Variants in TJAP1 observed in about 807,000 individuals in gnomAD.
TJAP1 encodes tight junction-associated protein 1.
In TJAP1, 27 loss-of-function variants were observed where a neutral mutation model predicts 42.0. That is an observed-to-expected ratio of 0.64 (90% confidence interval 0.47 to 0.89). The LOEUF (loss-of-function observed/expected upper bound fraction) is 0.89. Among genes scored for constraint, TJAP1 ranks in the 40% least tolerant of loss-of-function variants. TJAP1 has a pLI of 0.00. For missense variants in TJAP1, 712 were observed against 726.9 expected, an observed-to-expected ratio of 0.98 and a Z score of 0.24; for synonymous variants, 257 against 288.4, an observed-to-expected ratio of 0.89 and a Z score of 1.10.
intron 5 of TJAP1, 56 bp downstream of exon 5, chr6:43,500,828 C>T (rs1334683180): frequency 1.9e-6 from 3 of 1,600,222 alleles, no homozygotes; most frequent in Non-Finnish European, 2.6e-6. Context: ...CTCTTAGCTC[C>T]AGGCTAGACT....
At chr6:43,494,233 T>G (rs547445552) in intron 2 of TJAP1, among the ~76,000 whole-genome samples, 1 of 152,278 alleles carries the variant, frequency 6.6e-6, no homozygotes, top group East Asian at 1.9e-4. Flanking sequence ...CCAGCAGATA[T>G]GAAGTAGAGT....
intron 6 of TJAP1, 82 bp downstream of exon 6, chr6:43,501,769 C>CTG: frequency 1.4e-5 from 7 of 488,718 alleles, no homozygotes; most frequent in South Asian, 2.4e-5. Context: ...CTCTCTCTGT[C>CTG]TCTCTCTCTC....
intron 5 of TJAP1, chr6:43,501,160 T>A (rs1790427893): frequency 2.7e-6 from 1 of 373,524 alleles, no homozygotes; most frequent in African/African-American, 2.1e-5. Flanking sequence ...GAAGCCTGAT[T>A]GTGCAGTGGG....
Position 43,492,869 on chromosome 6 carries a change from C to G in TJAP1, c.-121-5012C>G, listed in dbSNP as rs1158327958. ...GTGGCGGGAGTGTAGCTGACCCCCACTGGGGCACAGCTTCCCACAGGCTTG... is the reference window on the plus strand; with the variant it reads ...GTGGCGGGAGTGTAGCTGACCCCCAGTGGGGCACAGCTTCCCACAGGCTTG... On this transcript the variant is annotated intron_variant, in intron 2 of 10. Coordinates refer to ENST00000372449, the Ensembl canonical transcript of TJAP1. This position sits in a 1 kb window ranked among gnomAD's most constrained non-coding sequence, Gnocchi z 4.2. Among the ~76,000 whole-genome samples, 1 of 152,136 alleles carries G rather than the reference C, an allele frequency of 6.6e-6. No homozygotes were observed. Among genetic ancestry groups the G allele is most frequent in the Non-Finnish European group, 1.5e-5 (1 of 68,032 alleles).
At chr6:43,501,925 A>ACTCT (rs1790846971) in intron 6 of TJAP1, among the ~76,000 whole-genome samples, 1 of 102,238 alleles carries the variant, frequency 9.8e-6, no homozygotes, top group Non-Finnish European at 1.9e-5. Flanking sequence ...ACACACACAC[A>ACTCT]CACTCTCTCT....
chr6:43,487,749 G>A (rs1786847416), intron 2 of TJAP1, among the ~76,000 whole-genome samples: 1 of 152,008 alleles, frequency 6.6e-6, no homozygotes, highest in African/African-American at 2.4e-5. Context: ...TAACCATACA[G>A]AAAAGTATAC....
chr6:43,504,442 T>C (rs1452880195), intron 10 of TJAP1: 1 of 363,652 alleles, frequency 2.7e-6, no homozygotes, highest in Admixed American at 4.3e-5. Context: ...CTAAGGCTAC[T>C]GGTCTATGCA....
chr6:43,484,626 C>T lies in TJAP1; in HGVS notation c.-122+6394C>T, dbSNP rs551023984. Among the ~76,000 whole-genome samples, 325 of 152,300 alleles carry T rather than the reference C, an allele frequency of 2.1e-3. 2 individuals are homozygous for T. Among genetic ancestry groups the T allele is most frequent in the African/African-American group, 7.0e-3 (290 of 41,564 alleles). On this transcript the variant is annotated intron_variant, in intron 2 of 10. Transcript: ENST00000372449. ...GGAGCATTTTGAGGTGGGAGTAAAA[C>T]GGAGTCTCCTTTCTTGTGAGGAAGC...
At chr6:43,501,649 C>A in exon 6 of TJAP1, 1 of 1,533,908 alleles carries the variant, frequency 6.5e-7, no homozygotes, top group Non-Finnish European at 9.0e-7. Context: ...TGGGCCAGAG[C>A]CGCGAGGAGC....
Position 43,501,925 on chromosome 6 carries a change from ACACTCT to A in TJAP1, c.290+240_290+245del, listed in dbSNP as rs1328255267. ...CACACACACACACACACACACACAC[ACACTCT>A]CTCTCTCTCTCTCTCTCTCTCTCTC... On this transcript the variant is annotated intron_variant, in intron 6 of 10. Coordinates refer to ENST00000372449, the Ensembl canonical transcript of TJAP1. Among the ~76,000 whole-genome samples, 427 of 102,256 alleles carry A rather than the reference ACACTCT, an allele frequency of 4.2e-3. 9 individuals carry two copies. Among genetic ancestry groups the A allele is most frequent in the Non-Finnish European group, 5.9e-3 (307 of 52,422 alleles). 67.1% of individuals were successfully genotyped at this position (102,256 alleles called of 152,430 possible). A position where few individuals can be genotyped will look rare whatever the true frequency, so the allele number is the denominator to read the frequency against.
At chr6:43,504,714 T>C (rs369148463) in intron 10 of TJAP1, 47 bp from the exon 11 acceptor site, 2 of 1,583,468 alleles carry the variant, frequency 1.3e-6, no homozygotes. Flanking sequence ...TCAAGTTATC[T>C]TTGGCTGCGA....
At position 43,505,810 on chromosome 6, in the gene TJAP1, G is replaced by A; in HGVS notation, c.1629G>A (p.Lys543=). The A allele has an allele frequency of 2.0e-6, 3 of 1,498,324 alleles. No individual in the cohort carries two copies. Among genetic ancestry groups the A allele is most frequent in the Non-Finnish European group, 1.8e-6 (2 of 1,127,730 alleles). The allele number at this position is 1,498,324 out of a possible 1,614,324, so 92.8% of individuals were successfully genotyped here. A position where few individuals can be genotyped will look rare whatever the true frequency, so the allele number is the denominator to read the frequency against. ...TGGGGGTTCACCACCTGCACCGCAA[G>A]GACAGCCTGACCCAGGCCCAGGAGC... The change falls in exon 11 of 11, where the codon AAG becomes AAA. Residue 543 remains lysine, a synonymous_variant. Transcript: ENST00000372449. This position sits in a 1 kb window ranked among gnomAD's most constrained non-coding sequence, Gnocchi z 5.5.
intron 2 of TJAP1, among the ~76,000 whole-genome samples, chr6:43,479,267 G>A (rs563016226): frequency 1.3e-5 from 2 of 152,162 alleles, no homozygotes; most frequent in Non-Finnish European, 2.9e-5. Context: ...TTTACTGTCT[G>A]CTCTGTACCT....
chr6:43,479,493 T>G (rs889092480), intron 2 of TJAP1, among the ~76,000 whole-genome samples: 1 of 152,138 alleles, frequency 6.6e-6, no homozygotes, highest in African/African-American at 2.4e-5. Context: ...ACATAACAGT[T>G]AATAGCACTG....
At chr6:43,503,533 C>A (rs1229254473) in intron 9 of TJAP1, 25 bp downstream of exon 9, 2 of 1,611,446 alleles carry the variant, frequency 1.2e-6, no homozygotes, top group East Asian at 4.5e-5. Flanking sequence ...CTACTCGGGC[C>A]TTCCTCACCT....
rs764350558 is a variant in TJAP1, at chr6:43,505,080, C to T, written c.899C>T (p.Ser300Phe). Residue 300 changes from serine to phenylalanine, a missense_variant, in exon 11 of 11, where the codon TCC becomes TTC. Around this residue, in one of 3 missense-constraint regions of TJAP1, gnomAD observed 549 missense variants for 528.2 expected, o/e 1.04. Coordinates refer to ENST00000372449, the Ensembl canonical transcript of TJAP1. This position sits in a 1 kb window ranked among gnomAD's most constrained non-coding sequence, Gnocchi z 5.5. The stretch of plus-strand genomic sequence containing the variant: ...CACTCTCTGGGTACTGCCAGGGGCT[C>T]CCCGGAGGAAGAGCTGCCCCTGCCA... 5.0e-6 allele frequency: 8 copies of T among 1,613,998 alleles called. No individual in the cohort carries two copies. In the African/African-American group the frequency reaches 8.0e-5, roughly 16 times the overall value.
chr6:43,488,791 A>G (rs1293851933), intron 2 of TJAP1, among the ~76,000 whole-genome samples: 1 of 151,916 alleles, frequency 6.6e-6, no homozygotes, highest in Non-Finnish European at 1.5e-5. Flanking sequence ...TTTTTTCTAG[A>G]CAGTTGTCTC....
intron 2 of TJAP1, among the ~76,000 whole-genome samples, chr6:43,489,090 A>G (rs1562248297): frequency 6.6e-6 from 1 of 152,084 alleles, no homozygotes; most frequent in Non-Finnish European, 1.5e-5. Context: ...GGGTGTGGAT[A>G]TATGTGTTGC....
chr6:43,481,461 T>G (rs1461449826), intron 2 of TJAP1, among the ~76,000 whole-genome samples: 1 of 151,054 alleles, frequency 6.6e-6, no homozygotes, highest in Non-Finnish European at 1.5e-5. Flanking sequence ...GGATATAATT[T>G]TTAAAAAATA....
Sources: gnomAD v4.1 joint callset for allele counts (sites outside exome capture counted in the v4.1 genomes callset) on GRCh38, gnomAD v4.1.1 for gene constraint, gnomAD v4.1.1 regional missense constraint, Gnocchi (gnomAD v3.1) non-coding constraint, MANE v1.5 for transcripts, NCBI Gene and HGNC (gene_info 2026-07-23, HGNC 2026-07-21) for gene names.